SSBP2: variants seen among roughly 807,000 people sequenced by gnomAD.
SSBP2 encodes single stranded DNA binding protein 2.
Under a neutral mutation model 61.8 loss-of-function variants are expected in SSBP2, and 17 were observed. That is an observed-to-expected ratio of 0.28 (90% CI 0.19 to 0.41). SSBP2 has a LOEUF of 0.41. SSBP2 is among the 10% of genes least tolerant of loss of function. SSBP2 has a pLI of 1.00. For missense variants in SSBP2, 310 were observed against 458.7 expected (o/e 0.68, Z 2.96); for synonymous variants, 139 against 141.3 (o/e 0.98, Z 0.12).
intron 16 of SSBP2, among the ~76,000 whole-genome samples, chr5:81,421,527 G>A (rs1429900222): frequency 6.6e-6 from 1 of 152,092 alleles, no homozygotes; most frequent in Non-Finnish European, 1.5e-5. Flanking sequence ...ATTTTTGCAC[G>A]TGAGTAGGAA....
chr5:81,413,990 T>C lies in SSBP2; in HGVS notation c.*6514A>G, dbSNP rs1483928608. 1 of 152,112 alleles carries C rather than the reference T, an allele frequency of 6.6e-6. No individual in the cohort carries two copies. The highest frequency in any genetic ancestry group is 2.4e-5 in the African/African-American group (1 of 41,440). 9.4% of individuals were successfully genotyped at this position (152,112 alleles called of 1,614,324 possible). On this transcript the variant is annotated 3_prime_UTR_variant, in exon 17 of 17. Coordinates refer to ENST00000320672, the MANE Select transcript of SSBP2 (RefSeq NM_012446.5). ...AGGCCATTTGGTGGAAAAAAGAAAG[T>C]GGGATTAAGTGTTAATATTGACTAG...
intron 1 of SSBP2, among the ~76,000 whole-genome samples, chr5:81,747,510 T>C (rs561452046): frequency 5.8e-4 from 88 of 152,232 alleles, no homozygotes; most frequent in African/African-American, 1.9e-3. Flanking sequence ...AAATAAATAA[T>C]AGTTATTTTT....
intron 1 of SSBP2, among the ~76,000 whole-genome samples, chr5:81,749,867 A>G (rs976021694): frequency 1.3e-5 from 2 of 151,846 alleles, no homozygotes; most frequent in African/African-American, 4.8e-5. Context: ...CGAAGTTAAC[A>G]CCTGTATCTC....
chr5:81,628,084 G>C (rs1025976388), intron 3 of SSBP2, among the ~76,000 whole-genome samples: 3 of 151,848 alleles, frequency 2.0e-5, no homozygotes, highest in African/African-American at 4.8e-5. Flanking sequence ...AGGTGTACTT[G>C]TCTGCTCTCA....
intron 1 of SSBP2, among the ~76,000 whole-genome samples, chr5:81,718,819 C>T (rs1465770604): frequency 1.3e-5 from 2 of 152,162 alleles, no homozygotes; most frequent in Non-Finnish European, 2.9e-5. Flanking sequence ...TGATATTTAG[C>T]TACAAGTAAT....
At chr5:81,632,394 C>T (rs746656632) in intron 3 of SSBP2, among the ~76,000 whole-genome samples, 6 of 152,074 alleles carry the variant, frequency 3.9e-5, no homozygotes, top group Non-Finnish European at 8.8e-5. Context: ...GAGGAAGATA[C>T]GATATTAGGG....
intron 1 of SSBP2, among the ~76,000 whole-genome samples, chr5:81,704,079 T>A (rs924696728): frequency 1.3e-5 from 2 of 152,196 alleles, no homozygotes; most frequent in Admixed American, 6.5e-5. Flanking sequence ...ACTGTCCAGG[T>A]TCCACTGGCA....
chr5:81,651,050 T>C (rs2153711562), intron 1 of SSBP2, among the ~76,000 whole-genome samples: 1 of 152,308 alleles, frequency 6.6e-6, no homozygotes, highest in East Asian at 1.9e-4. Flanking sequence ...TCTCATTATC[T>C]TGTGGATTCA....
At chr5:81,735,279 G>T (rs1200862326) in intron 1 of SSBP2, among the ~76,000 whole-genome samples, 1 of 152,068 alleles carries the variant, frequency 6.6e-6, no homozygotes, top group Non-Finnish European at 1.5e-5. Context: ...GATTTACGTA[G>T]AAATACACTA....
intron 1 of SSBP2, among the ~76,000 whole-genome samples, chr5:81,653,540 T>TTGAACTAATTTAC (rs1749939755): frequency 1.3e-5 from 2 of 152,218 alleles, no homozygotes; most frequent in African/African-American, 4.8e-5. Context: ...TCCACAATGG[T>TTGAACTAATTTAC]TGAACTAATT....
At chr5:81,676,819 G>A (rs775943604) in intron 1 of SSBP2, among the ~76,000 whole-genome samples, 7 of 151,968 alleles carry the variant, frequency 4.6e-5, no homozygotes, top group Non-Finnish European at 1.0e-4. Context: ...AATTATCTTT[G>A]CATCCCTAGC....
At chr5:81,513,310 T>C (rs1365028868) in intron 5 of SSBP2, among the ~76,000 whole-genome samples, 1 of 152,116 alleles carries the variant, frequency 6.6e-6, no homozygotes, top group African/African-American at 2.4e-5. Flanking sequence ...TCCATCTCTT[T>C]CCAGAACCTC....
At chr5:81,442,792 A>AAT in intron 12 of SSBP2, 69 bp from the exon 13 acceptor site, 1 of 818,024 alleles carries the variant, frequency 1.2e-6, no homozygotes, top group Non-Finnish European at 1.9e-6. Context: ...CAAAGTAATG[A>AAT]TCAAAGATGG....
intron 4 of SSBP2, among the ~76,000 whole-genome samples, chr5:81,604,002 A>G (rs775436406): frequency 1.2e-4 from 19 of 152,180 alleles, no homozygotes; most frequent in Admixed American, 2.6e-4. Context: ...GGGAAAAAAT[A>G]CATGTTATAT....
At chr5:81,717,942 CAA>C (rs1335820865) in intron 1 of SSBP2, among the ~76,000 whole-genome samples, 1 of 152,140 alleles carries the variant, frequency 6.6e-6, no homozygotes, top group Non-Finnish European at 1.5e-5. Flanking sequence ...CCACGTAAAA[CAA>C]ATGTTGTCAA....
chr5:81,579,019 T>C (rs571624456), intron 4 of SSBP2, among the ~76,000 whole-genome samples: 100 of 152,156 alleles, frequency 6.6e-4, no homozygotes, highest in African/African-American at 2.4e-3. Context: ...AGGAAATCAT[T>C]AGGCATTTTT....
intron 1 of SSBP2, among the ~76,000 whole-genome samples, chr5:81,702,827 G>A (rs1332130902): frequency 6.6e-6 from 1 of 152,096 alleles, no homozygotes; most frequent in Non-Finnish European, 1.5e-5. Context: ...CCTTTAGCCA[G>A]CTAAGAGATC....
intron 1 of SSBP2, among the ~76,000 whole-genome samples, chr5:81,717,195 T>C (rs568984782): frequency 2.6e-5 from 4 of 152,276 alleles, no homozygotes; most frequent in African/African-American, 7.2e-5. Context: ...GGGTTGTGTC[T>C]GCTATGAACT....
chr5:81,501,250 TATATATATATATATATATACAC>T lies in SSBP2; in HGVS notation c.373-11963_373-11942del, dbSNP rs1271980978. Among the ~76,000 whole-genome samples the T allele has an allele frequency of 3.4e-3, 187 of 55,294 alleles. 16 individuals carry two copies. The highest frequency in any genetic ancestry group is 0.023 in the African/African-American group (158 of 6,916). 36.3% of individuals were successfully genotyped at this position (55,294 alleles called of 152,430 possible). ...ATATATATATATATATATATATATA[TATATATATATATATATATACAC>T]ACACACACACATGCACATACACCCA... On this transcript the variant is annotated intron_variant, in intron 5 of 16. Transcript: ENST00000320672.
Sources: allele counts gnomAD v4.1 joint callset (sites outside exome capture counted in the v4.1 genomes callset), GRCh38; gene constraint gnomAD v4.1.1; transcripts MANE v1.5; gene names NCBI Gene and HGNC (gene_info 2026-07-23, HGNC 2026-07-21).